The following ANK2 variants were observed in gnomAD, a reference collection of about 807,000 sequenced individuals.
ANK2 encodes ankyrin-2.
In ANK2, 83 loss-of-function variants were observed where a neutral mutation model predicts 360.5. The observed-to-expected ratio is 0.23, with a 90% CI of 0.19 to 0.28. ANK2 has a LOEUF of 0.28. ANK2 is among the 10% of genes least tolerant of loss of function. ANK2 has a pLI of 1.00. For missense variants in ANK2, 4,201 were observed against 4,795.7 expected (o/e 0.88, Z 3.66); for synonymous variants, 1,740 against 1,759.5 (o/e 0.99, Z 0.28).
At chr4:113,278,644 T>A (rs2061135362) in intron 17 of ANK2, 86 bp downstream of exon 17, 1 of 1,322,908 alleles carries the variant, frequency 7.6e-7, no homozygotes. Flanking sequence ...ACACATGGTA[T>A]AGTATAACTG....
rs554386146 is a variant in ANK2, at chr4:113,330,938, T to C, written c.3125+468T>C. Reference sequence around the variant, plus strand: ...CAAATTTAATCAATGTGATTTTTTTTTCAGCTATCAAAATTGCTACCTTGA... The same window carrying C: ...CAAATTTAATCAATGTGATTTTTTTCTCAGCTATCAAAATTGCTACCTTGA... On this transcript the variant is annotated intron_variant, in intron 27 of 45. Coordinates refer to ENST00000357077, the MANE Select transcript of ANK2 (RefSeq NM_001148.6). Among the ~76,000 whole-genome samples, 3 of 152,366 alleles carry C rather than the reference T, an allele frequency of 2.0e-5. No homozygotes were observed. In the South Asian group the frequency reaches 6.2e-4, roughly 32 times the overall value.
chr4:112,938,990 C>T (rs965314893), intron 2 of ANK2, among the ~76,000 whole-genome samples: 1 of 152,148 alleles, frequency 6.6e-6, no homozygotes, highest in Non-Finnish European at 1.5e-5. Context: ...AGATTATTTA[C>T]ATTTTTCCTT....
At chr4:113,261,504 G>A (rs1358265451) in intron 13 of ANK2, among the ~76,000 whole-genome samples, 1 of 152,104 alleles carries the variant, frequency 6.6e-6, no homozygotes, top group Admixed American at 6.5e-5. Context: ...TAGGGTGCCT[G>A]ACAATCAAGA....
At chr4:112,909,543 T>TTTTTG (rs1381121438) in intron 2 of ANK2, among the ~76,000 whole-genome samples, 1 of 152,212 alleles carries the variant, frequency 6.6e-6, no homozygotes, top group African/African-American at 2.4e-5. Context: ...TCCTACTATT[T>TTTTTG]TTTTGTTTTG....
intron 17 of ANK2, among the ~76,000 whole-genome samples, chr4:113,279,370 A>G (rs542579888): frequency 2.0e-5 from 3 of 152,302 alleles, no homozygotes; most frequent in Admixed American, 6.5e-5. Context: ...GCAATATCTC[A>G]TAATAACCCC....
At chr4:113,321,571 A>G (rs60539255) in intron 26 of ANK2, among the ~76,000 whole-genome samples, 2,568 of 152,316 alleles carry the variant, frequency 0.017, 60 homozygotes, top group African/African-American at 0.054. Context: ...AATGTATATG[A>G]GTAACACTCA....
chr4:113,278,037 A>G, intron 16 of ANK2, 102 bp downstream of exon 16: 2 of 1,087,668 alleles, frequency 1.8e-6, no homozygotes, highest in Non-Finnish European at 2.7e-6. Flanking sequence ...ATGTGAGAGC[A>G]ACTGATGAAA....
intron 1 of ANK2, among the ~76,000 whole-genome samples, chr4:112,838,610 G>A (rs937732831): frequency 2.0e-5 from 3 of 152,234 alleles, no homozygotes; most frequent in African/African-American, 4.8e-5. Flanking sequence ...GCTCATGCCT[G>A]TAATCCCAGC....
chr4:112,838,392 G>A (rs1359668522), intron 1 of ANK2, among the ~76,000 whole-genome samples: 1 of 152,152 alleles, frequency 6.6e-6, no homozygotes, highest in Non-Finnish European at 1.5e-5. Context: ...TAATACAGAG[G>A]CCCTGCTGCA....
At chr4:113,289,335 C>T (rs528190748) in intron 20 of ANK2, among the ~76,000 whole-genome samples, 2 of 151,394 alleles carry the variant, frequency 1.3e-5, no homozygotes, top group South Asian at 4.2e-4. Context: ...TGCCTCAGGA[C>T]TGGCTAGGAC....
At chr4:113,280,144 G>T (rs1050676725) in intron 17 of ANK2, among the ~76,000 whole-genome samples, 1 of 151,874 alleles carries the variant, frequency 6.6e-6, no homozygotes, top group Non-Finnish European at 1.5e-5. Context: ...TAGTACTCAT[G>T]AGTACTTTCG....
At chr4:113,019,034 TATG>T (rs1359431133) in intron 2 of ANK2, among the ~76,000 whole-genome samples, 1 of 152,204 alleles carries the variant, frequency 6.6e-6, no homozygotes, top group East Asian at 1.9e-4. Context: ...TTTGAGCATT[TATG>T]ATAAGATTTT....
At chr4:112,714,018 T>G in the ANK2 span, among the ~76,000 whole-genome samples, 1 of 152,240 alleles carries the variant, frequency 6.6e-6, no homozygotes, top group Non-Finnish European at 1.5e-5. Flanking sequence ...AACAATGAAT[T>G]AGAGTTCTTA....
At position 113,199,107 on chromosome 4, in the gene ANK2, C is replaced by G. The variant is rs1421250186; in HGVS notation, c.382C>G (p.Gln128Glu). 6.2e-7 allele frequency: 1 copy of G among 1,604,798 alleles called. No homozygotes were observed. Among genetic ancestry groups the G allele is most frequent in the Non-Finnish European group, 8.5e-7 (1 of 1,171,752 alleles). ...KEGANINAQSQNGFTPLYMAA... is the reference protein window; with the variant it reads ...KEGANINAQSENGFTPLYMAA... ...AGGAGCCAATATTAATGCACAGTCT[C>G]AGGTATTCCATTCAGATTTTCCCTG... The change falls in exon 4 of 46, where the codon CAG (glutamine) becomes GAG (glutamate). Residue 128 changes from glutamine (Q) to glutamate (E), a missense_variant and splice_region_variant. Gln to Glu is a conservative substitution (Grantham distance 29). Around this residue, in one of 4 missense-constraint regions of ANK2, gnomAD observed 169 missense variants for 191.1 expected, o/e 0.88. Coordinates refer to ENST00000357077, the MANE Select transcript of ANK2 (RefSeq NM_001148.6).
At chr4:113,189,029 C>G (rs2098602433) in intron 2 of ANK2, among the ~76,000 whole-genome samples, 1 of 151,998 alleles carries the variant, frequency 6.6e-6, no homozygotes, top group Non-Finnish European at 1.5e-5. Flanking sequence ...TAGAGGTTAC[C>G]AGTATTAATA....
the ANK2 span, among the ~76,000 whole-genome samples, chr4:112,732,478 C>G: frequency 6.6e-6 from 1 of 152,092 alleles, no homozygotes; most frequent in African/African-American, 2.4e-5. Flanking sequence ...AACTTCTGGC[C>G]TCAAGCAGTC....
intron 1 of ANK2, among the ~76,000 whole-genome samples, chr4:113,067,755 CAT>C (rs1221599109): frequency 1.3e-5 from 2 of 152,206 alleles, no homozygotes; most frequent in African/African-American, 4.8e-5. Context: ...TTTCCTCACA[CAT>C]GTGTGCCAAT....
intron 4 of ANK2, among the ~76,000 whole-genome samples, chr4:113,228,010 A>G (rs1410417989): frequency 6.6e-6 from 1 of 152,184 alleles, no homozygotes; most frequent in East Asian, 1.9e-4. Context: ...ATTCATTTTT[A>G]TCATTCTTCG....
At chr4:112,757,977 CA>C in the ANK2 span, among the ~76,000 whole-genome samples, 1 of 150,740 alleles carries the variant, frequency 6.6e-6, no homozygotes, top group African/African-American at 2.4e-5. Flanking sequence ...CGTCCTGGCT[CA>C]CTGCAACCTC....
Sources: allele counts gnomAD v4.1 joint callset (sites outside exome capture counted in the v4.1 genomes callset), GRCh38; gene constraint gnomAD v4.1.1; regional missense constraint gnomAD v4.1.1; transcripts MANE v1.5; gene names NCBI Gene and HGNC (gene_info 2026-07-23, HGNC 2026-07-21).